ATG7: variants seen among roughly 807,000 people sequenced by gnomAD.
ATG7 encodes the protein ubiquitin-like modifier-activating enzyme ATG7.
ATG7 carries 70 observed loss-of-function variants against 82.4 expected under a neutral mutation model. The ratio of observed to expected loss-of-function variants is 0.85; its 90% CI spans 0.70 to 1.04. The LOEUF is 1.04. Among genes scored for constraint, ATG7 ranks in the 50% least tolerant of loss-of-function variants. The pLI, the probability that ATG7 is intolerant of heterozygous loss-of-function variation, is 0.00. For synonymous variants in ATG7, 287 were observed against 313.0 expected (o/e 0.92, Z 0.88); for missense variants, 792 against 864.3 (o/e 0.92, Z 1.05).
chr3:11,301,886 G>A (rs1946841895), intron 5 of ATG7, among the ~76,000 whole-genome samples: 2 of 152,082 alleles, frequency 1.3e-5, no homozygotes, highest in Non-Finnish European at 2.9e-5. Flanking sequence ...TTATTCTTTA[G>A]AATAATTAAT....
intron 20 of ATG7, among the ~76,000 whole-genome samples, chr3:11,478,382 C>T (rs1163894064): frequency 6.6e-6 from 1 of 152,090 alleles, no homozygotes; most frequent in African/African-American, 2.4e-5. Flanking sequence ...TATTGAGAAC[C>T]AAACACCCAT....
At chr3:11,300,721 A>G (rs917323123) in intron 5 of ATG7, among the ~76,000 whole-genome samples, 2 of 152,228 alleles carry the variant, frequency 1.3e-5, no homozygotes, top group African/African-American at 4.8e-5. Context: ...CATTCAGTGG[A>G]AATTATACTT....
At chr3:11,569,121 C>A in the ATG7 span, among the ~76,000 whole-genome samples, 4 of 152,192 alleles carry the variant, frequency 2.6e-5, no homozygotes, top group African/African-American at 9.6e-5. Flanking sequence ...GAATCCATCA[C>A]GTGAAAGAAG....
At chr3:11,344,100 T>C (rs1954104569) in intron 13 of ATG7, among the ~76,000 whole-genome samples, 1 of 152,070 alleles carries the variant, frequency 6.6e-6, no homozygotes, top group Non-Finnish European at 1.5e-5. Context: ...AACTTTCCAG[T>C]TGACTATTAC....
At position 11,372,831 on chromosome 3, in the gene ATG7, T is replaced by C. The variant is rs56082311; in HGVS notation, c.1876-7141T>C. 3.6e-4 allele frequency among the ~76,000 whole-genome samples: 42 copies of C among 116,240 alleles called. 1 individual carries two copies. The highest frequency in any genetic ancestry group is 1.2e-3 in the East Asian group (5 of 4,192). 76.3% of individuals were successfully genotyped at this position (116,240 alleles called of 152,430 possible). A position where few individuals can be genotyped will look rare whatever the true frequency, so the allele number is the denominator to read the frequency against. The stretch of plus-strand genomic sequence containing the variant: ...GTGTGTGTGTGCGCGCGTGTGCGTG[T>C]GTGTGCGTGCGTGCGTGTGCGTGTG... On this transcript the variant is annotated intron_variant, in intron 18 of 20. Coordinates refer to ENST00000693202, the MANE Select transcript of ATG7 (RefSeq NM_001349232.2).
At chr3:11,327,426 G>A (rs1006509185) in intron 9 of ATG7, among the ~76,000 whole-genome samples, 11 of 152,328 alleles carry the variant, frequency 7.2e-5, no homozygotes, top group Middle Eastern at 3.4e-3. Context: ...ATCACATGCG[G>A]TATTCACTGG....
intron 20 of ATG7, among the ~76,000 whole-genome samples, chr3:11,547,687 G>GATCT (rs989761423): frequency 6.6e-6 from 1 of 152,296 alleles, no homozygotes; most frequent in African/African-American, 2.4e-5. Flanking sequence ...CACTTACTAT[G>GATCT]ATCTGGCTTT....
chr3:11,474,353 C>A (rs2087881969), intron 20 of ATG7, among the ~76,000 whole-genome samples: 1 of 152,192 alleles, frequency 6.6e-6, no homozygotes, highest in Non-Finnish European at 1.5e-5. Context: ...AATCCCAGCA[C>A]CTTGAGAGGC....
intron 20 of ATG7, among the ~76,000 whole-genome samples, chr3:11,516,346 A>AT (rs2092282277): frequency 6.6e-6 from 1 of 152,016 alleles, no homozygotes; most frequent in Non-Finnish European, 1.5e-5. Flanking sequence ...TAATAATAAA[A>AT]TTAAAAAAAA....
intron 20 of ATG7, among the ~76,000 whole-genome samples, chr3:11,461,370 C>T (rs1443539279): frequency 3.9e-5 from 6 of 152,168 alleles, no homozygotes; most frequent in African/African-American, 1.2e-4. Context: ...TTGGAGCTAA[C>T]CTTTGTATTC....
At chr3:11,452,179 A>C (rs1015550846) in intron 20 of ATG7, among the ~76,000 whole-genome samples, 19 of 151,876 alleles carry the variant, frequency 1.3e-4, no homozygotes, top group Non-Finnish European at 2.6e-4. Context: ...GAGGTCAGGC[A>C]TTCAAGACCA....
At chr3:11,515,565 C>T (rs1411941292) in intron 20 of ATG7, among the ~76,000 whole-genome samples, 2 of 152,102 alleles carry the variant, frequency 1.3e-5, no homozygotes, top group East Asian at 1.9e-4. Flanking sequence ...GGAACCACCC[C>T]GCCCAGCCTC....
chr3:11,548,096 G>A (rs1200726620), intron 20 of ATG7, among the ~76,000 whole-genome samples: 2 of 152,052 alleles, frequency 1.3e-5, no homozygotes, highest in East Asian at 3.9e-4. Context: ...TTCCCACCTT[G>A]GCCTCCCAAA....
At chr3:11,476,570 G>T (rs568886568) in intron 20 of ATG7, among the ~76,000 whole-genome samples, 6 of 152,000 alleles carry the variant, frequency 3.9e-5, no homozygotes, top group Non-Finnish European at 5.9e-5. Flanking sequence ...AAATAAATAG[G>T]GACAAATAGA....
intron 18 of ATG7, among the ~76,000 whole-genome samples, chr3:11,366,428 T>C (rs1264359914): frequency 6.6e-6 from 1 of 152,204 alleles, no homozygotes; most frequent in East Asian, 1.9e-4. Context: ...TGTTAATCTT[T>C]TCTACAGAGA....
chr3:11,440,534 C>A (rs1383503452), intron 20 of ATG7, among the ~76,000 whole-genome samples: 1 of 150,204 alleles, frequency 6.7e-6, no homozygotes, highest in Admixed American at 6.6e-5. Context: ...CCGTTTTAGC[C>A]GGGATGGTCT....
chr3:11,428,599 CT>C (rs1371540829), intron 20 of ATG7, among the ~76,000 whole-genome samples: 5 of 152,196 alleles, frequency 3.3e-5, no homozygotes, highest in African/African-American at 1.2e-4. Flanking sequence ...CTTTGAGAGA[CT>C]TTAAGGTATT....
chr3:11,400,457 G>A (rs906335309), intron 19 of ATG7, among the ~76,000 whole-genome samples: 5 of 152,188 alleles, frequency 3.3e-5, no homozygotes, highest in African/African-American at 1.2e-4. Flanking sequence ...TCTCCGTGGA[G>A]CAGCTGCAAC....
At position 11,360,610 on chromosome 3, in the gene ATG7, C is replaced by G. The variant is rs1450822958; in HGVS notation, c.1509C>G (p.Asp503Glu). 6.2e-7 allele frequency: 1 copy of G among 1,614,024 alleles called. No homozygotes were observed. Reference protein sequence around the residue: ...KLVINAALGFDTFVVMRHGLK... With the variant: ...KLVINAALGFETFVVMRHGLK... ...TCATCAATGCTGCTTTGGGATTTGA[C>G]ACATTTGTTGTCATGAGACATGGTC... Residue 503 changes from aspartate to glutamate, a missense_variant, in exon 16 of 21, where the codon GAC becomes GAG. Transcript: ENST00000693202.
Sources: gnomAD v4.1 joint callset for allele counts (sites outside exome capture counted in the v4.1 genomes callset) on GRCh38, gnomAD v4.1.1 for gene constraint, MANE v1.5 for transcripts, NCBI Gene and HGNC (gene_info 2026-07-23, HGNC 2026-07-21) for gene names.